Variants in PLCG2 observed in about 807,000 individuals in gnomAD.
PLCG2 encodes the protein 1-phosphatidylinositol 4,5-bisphosphate phosphodiesterase gamma-2.
Under a neutral mutation model 175.6 loss-of-function variants are expected in PLCG2, and 69 were observed. The observed-to-expected ratio is 0.39, with a 90% confidence interval of 0.32 to 0.48. PLCG2 has a LOEUF of 0.48. Among genes scored for constraint, PLCG2 ranks in the 20% least tolerant of loss-of-function variants. PLCG2 has a pLI of 0.91. For synonymous variants in PLCG2, 827 were observed against 624.0 expected, an observed-to-expected ratio of 1.33 and a Z score of -4.85; for missense variants, 1,798 against 1,650.9, an observed-to-expected ratio of 1.09 and a Z score of -1.54.
At chr16:81,957,010 G>A in intron 32 of PLCG2, 131 bp downstream of exon 32, 1 of 566,430 alleles carries the variant, frequency 1.8e-6, no homozygotes, top group Non-Finnish European at 2.7e-6. Context: ...GGGCATGGTG[G>A]CTCACAGGCC....
At chr16:81,868,583 G>A (rs1222571570) in intron 5 of PLCG2, among the ~76,000 whole-genome samples, 1 of 152,186 alleles carries the variant, frequency 6.6e-6, no homozygotes, top group Admixed American at 6.5e-5. Context: ...AGGTGACAAA[G>A]CATTTGGCTA....
intron 7 of PLCG2, among the ~76,000 whole-genome samples, chr16:81,873,818 C>A (rs1038502133): frequency 3.9e-5 from 6 of 152,152 alleles, no homozygotes; most frequent in African/African-American, 1.4e-4. Flanking sequence ...AAAGCTGTTT[C>A]ACCTGCTACC....
chr16:81,889,035 C>CAGA, intron 9 of PLCG2, 137 bp from the exon 10 acceptor site: 1 of 599,748 alleles, frequency 1.7e-6, no homozygotes, highest in East Asian at 2.9e-5. Context: ...GAGGCCTCAA[C>CAGA]ATGTGGTGGT....
At chr16:81,772,655 CAAA>C (rs34085438) in intron 2 of PLCG2, among the ~76,000 whole-genome samples, 77 of 140,124 alleles carry the variant, frequency 5.5e-4, no homozygotes, top group Middle Eastern at 3.7e-3. Flanking sequence ...ACTAAAAATA[CAAA>C]AAAAAAAAAA....
intron 5 of PLCG2, among the ~76,000 whole-genome samples, chr16:81,861,224 C>G (rs778462510): frequency 3.3e-5 from 5 of 152,096 alleles, no homozygotes; most frequent in Non-Finnish European, 4.4e-5. Flanking sequence ...TGTCATTATC[C>G]TATGTGGATA....
Position 81,854,468 on chromosome 16 carries a change from T to C in PLCG2, c.218T>C (p.Ile73Thr). The C allele has an allele frequency of 6.2e-7, 1 of 1,614,020 alleles. No homozygotes were observed. Among genetic ancestry groups the C allele is most frequent in the Non-Finnish European group, 8.5e-7 (1 of 1,179,930 alleles). ...GTGGATATCATGGAAATAAAAGAAATCCGCCCAGGGAAGAACTCCAAAGAT... is the reference window on the plus strand; with the variant it reads ...GTGGATATCATGGAAATAAAAGAAACCCGCCCAGGGAAGAACTCCAAAGAT... ...GFLDIMEIKE[I>T]RPGKNSKDFE... The change falls in exon 3 of 33, where the codon ATC becomes ACC. Residue 73 changes from isoleucine to threonine, a missense_variant. Transcript: ENST00000564138.
At chr16:81,761,199 C>T (rs1910034603) in intron 2 of PLCG2, among the ~76,000 whole-genome samples, 2 of 152,032 alleles carry the variant, frequency 1.3e-5, no homozygotes, top group African/African-American at 2.4e-5. Context: ...CGCCCAGCTA[C>T]AAAAATGTTT....
At position 81,958,117 on chromosome 16, in the gene PLCG2, T is replaced by C; in HGVS notation, c.*119T>C. 4.0e-6 allele frequency: 3 copies of C among 745,176 alleles called. No homozygotes were observed. The highest frequency in any genetic ancestry group is 7.2e-6 in the Non-Finnish European group (3 of 414,656). The allele number at this position is 745,176 out of a possible 1,614,324, so 46.2% of individuals were successfully genotyped here. A position where few individuals can be genotyped will look rare whatever the true frequency, so the allele number is the denominator to read the frequency against. ...ATCTGTGACATCTTTTCTTCAAGCC[T>C]GCCATCAAGGACATTTCTTAAGACC... On this transcript the variant is annotated 3_prime_UTR_variant, in exon 33 of 33. Transcript: ENST00000564138.
At chr16:81,762,136 C>A (rs138089103) in intron 2 of PLCG2, among the ~76,000 whole-genome samples, 1 of 152,188 alleles carries the variant, frequency 6.6e-6, no homozygotes, top group Non-Finnish European at 1.5e-5. Flanking sequence ...CGCATGGCCC[C>A]TGAACATTTA....
At chr16:81,952,020 C>T (rs1419841282) in intron 31 of PLCG2, among the ~76,000 whole-genome samples, 2 of 151,892 alleles carry the variant, frequency 1.3e-5, no homozygotes, top group Non-Finnish European at 2.9e-5. Flanking sequence ...CTAGAAGTAA[C>T]AAACAGAAAT....
At chr16:81,945,158 G>C (rs959777185) in intron 30 of PLCG2, among the ~76,000 whole-genome samples, 1 of 152,188 alleles carries the variant, frequency 6.6e-6, no homozygotes, top group African/African-American at 2.4e-5. Flanking sequence ...GAAAGTGAGA[G>C]ATTCAGTGGA....
In PLCG2 at chr16:81,893,805, CCTT is replaced by C. The variant is rs1451828954; in HGVS notation, c.1072+15_1072+17del. On this transcript the variant is annotated intron_variant, in intron 12 of 32. Coordinates refer to ENST00000564138, the MANE Select transcript of PLCG2 (RefSeq NM_002661.5). ...GTCGCTGCATTGAACGTGAGTAGCTCCTTCTTGGTGGAGGTCAGGCTCGCAGCA... is the reference window on the plus strand; with the variant it reads ...GTCGCTGCATTGAACGTGAGTAGCTCCTTGGTGGAGGTCAGGCTCGCAGCA... 5 of 1,580,402 alleles carry C rather than the reference CCTT, an allele frequency of 3.2e-6. No individual in the cohort carries two copies. The highest frequency in any genetic ancestry group is 4.3e-6 in the Non-Finnish European group (5 of 1,151,420).
At chr16:81,931,812 C>T (rs917091828) in intron 25 of PLCG2, among the ~76,000 whole-genome samples, 158 bp downstream of exon 25, 7 of 152,128 alleles carry the variant, frequency 4.6e-5, no homozygotes, top group African/African-American at 1.2e-4. Context: ...ATTGGAGCAC[C>T]TCTTGTTAGA....
At chr16:81,776,682 G>A (rs1330434380), upstream of PLCG2, among the ~76,000 whole-genome samples, 1 of 152,316 alleles carries the variant, frequency 6.6e-6, no homozygotes, top group South Asian at 2.1e-4. Flanking sequence ...AGACTCGTGA[G>A]TAGCTGACAC....
At chr16:81,938,375 G>A (rs1910802638) in intron 28 of PLCG2, 5 of 198,854 alleles carry the variant, frequency 2.5e-5, no homozygotes. Flanking sequence ...GTTAAGGGCG[G>A]GCGGGTGGTA....
chr16:81,880,920 A>G lies in PLCG2; in HGVS notation c.659A>G (p.Glu220Gly). The change falls in exon 8 of 33, where the codon GAA becomes GGA. Residue 220 changes from glutamate to glycine, a missense_variant. Glu to Gly is a moderately conservative substitution (Grantham distance 98). Transcript: ENST00000564138. ...TGCTTTCCATTTCAGATTCTCGATG[A>G]ATTCAAAAAGGATTCGTCCGTGTTC... ...MFEQQKSILD[E>G]FKKDSSVFIL... is the part of the protein sequence containing the mutation. 1 of 1,614,118 alleles carries G rather than the reference A, an allele frequency of 6.2e-7. No individual in the cohort carries two copies. Among genetic ancestry groups the G allele is most frequent in the Non-Finnish European group, 8.5e-7 (1 of 1,179,994 alleles).
At chr16:81,901,379 G>A (rs1257808543) in intron 14 of PLCG2, among the ~76,000 whole-genome samples, 11 of 152,184 alleles carry the variant, frequency 7.2e-5, no homozygotes, top group South Asian at 2.1e-4. Context: ...CATATATGCC[G>A]TGGCTTAAAG....
intron 2 of PLCG2, among the ~76,000 whole-genome samples, chr16:81,813,421 C>G (rs1904404670): frequency 6.6e-6 from 1 of 152,080 alleles, no homozygotes; most frequent in African/African-American, 2.4e-5. Context: ...GTATTTTATT[C>G]TCTTAGTAGC....
At chr16:81,946,400 G>T (rs1567545518) in intron 31 of PLCG2, 137 bp downstream of exon 31, 3 of 661,366 alleles carry the variant, frequency 4.5e-6, no homozygotes, top group Admixed American at 2.4e-5. Flanking sequence ...CATCATACAA[G>T]AATTCCTTTT....
Sources: gnomAD v4.1 joint callset for allele counts (sites outside exome capture counted in the v4.1 genomes callset) on GRCh38, gnomAD v4.1.1 for gene constraint, MANE v1.5 for transcripts, NCBI Gene and HGNC (gene_info 2026-07-23, HGNC 2026-07-21) for gene names.